The following ZPBP variants were observed in gnomAD, a reference collection of about 807,000 sequenced individuals.
ZPBP encodes zona pellucida binding protein.
A neutral mutation model predicts 44.8 loss-of-function variants in ZPBP; 26 were observed. The observed-to-expected ratio is 0.58, with a 90% confidence interval of 0.43 to 0.81. The LOEUF is 0.81. ZPBP is among the 30% of genes least tolerant of loss of function. ZPBP has a pLI of 0.00. For missense variants in ZPBP, 409 were observed against 434.0 expected (o/e 0.94, Z 0.51); for synonymous variants, 174 against 153.2 (o/e 1.14, Z -1.00).
rs557239941 is a variant in ZPBP at position 50,014,907 on chromosome 7, A to G, written c.783+3333T>C. On this transcript the variant is annotated intron_variant, in intron 6 of 7. Coordinates refer to ENST00000046087, the MANE Select transcript of ZPBP (RefSeq NM_007009.3). ...TCCTAAAATCAAAAGATTGTATTTA[A>G]TAATATATAAGATGCTAACACAAGA... is the stretch of plus-strand genomic sequence containing the variant. 6.4e-4 allele frequency among the ~76,000 whole-genome samples: 97 copies of G among 152,296 alleles called. 1 individual carries two copies. The highest frequency in any genetic ancestry group is 1.4e-3 in the Admixed American group (21 of 15,268).
chr7:49,948,376 G>A (rs927151637), intron 7 of ZPBP, among the ~76,000 whole-genome samples: 8 of 152,020 alleles, frequency 5.3e-5, no homozygotes, highest in Non-Finnish European at 1.2e-4. Context: ...ATAAAGATTG[G>A]GTTCTATAAA....
At chr7:49,978,054 T>C (rs1366749743) in intron 7 of ZPBP, among the ~76,000 whole-genome samples, 10 of 148,946 alleles carry the variant, frequency 6.7e-5, no homozygotes, top group African/African-American at 2.5e-4. Flanking sequence ...CTACTTGATC[T>C]ACAAGTTTGT....
chr7:49,978,980 ATGTT>A (rs1368879093), intron 7 of ZPBP, among the ~76,000 whole-genome samples: 1 of 152,128 alleles, frequency 6.6e-6, no homozygotes, highest in Non-Finnish European at 1.5e-5. Context: ...ATAAATTAAA[ATGTT>A]TATTAACCAT....
intron 4 of ZPBP, among the ~76,000 whole-genome samples, chr7:50,055,823 C>T (rs949684253): frequency 6.6e-6 from 1 of 152,142 alleles, no homozygotes; most frequent in African/African-American, 2.4e-5. Context: ...GGCACTTTTA[C>T]ATTTGTTAGC....
chr7:49,845,175 C>A, the ZPBP span, among the ~76,000 whole-genome samples: 1 of 152,008 alleles, frequency 6.6e-6, no homozygotes, highest in Non-Finnish European at 1.5e-5. Context: ...GCTAATGGAG[C>A]CTGGGTTTAA....
At chr7:49,918,880 G>A (rs1793864162) in intron 1 of ZPBP, 1 of 152,144 alleles carries the variant, frequency 6.6e-6, no homozygotes, top group Non-Finnish European at 1.5e-5. Context: ...ACCAACATGT[G>A]AAACCCCATC....
chr7:49,997,003 G>A (rs1328132761), intron 6 of ZPBP, among the ~76,000 whole-genome samples: 9 of 152,164 alleles, frequency 5.9e-5, no homozygotes, highest in Admixed American at 5.9e-4. Flanking sequence ...GTTTCCCACT[G>A]TAAAGTCTGG....
intron 7 of ZPBP, among the ~76,000 whole-genome samples, chr7:49,979,100 A>G (rs1194786320): frequency 2.0e-5 from 3 of 152,164 alleles, no homozygotes; most frequent in Non-Finnish European, 2.9e-5. Flanking sequence ...TATTTAAGCA[A>G]AATTCCCCCC....
At chr7:50,042,980 C>T (rs535423479) in intron 4 of ZPBP, among the ~76,000 whole-genome samples, 1 of 152,138 alleles carries the variant, frequency 6.6e-6, no homozygotes, top group Non-Finnish European at 1.5e-5. Flanking sequence ...TTGACATGCT[C>T]GTGATGGCCA....
chr7:50,088,926 T>C (rs2128857217), intron 2 of ZPBP, among the ~76,000 whole-genome samples: 1 of 150,358 alleles, frequency 6.7e-6, no homozygotes, highest in African/African-American at 2.5e-5. Flanking sequence ...GAATGAAGTA[T>C]TGATGCACTC....
intron 7 of ZPBP, among the ~76,000 whole-genome samples, chr7:49,981,538 T>TATAAA (rs1393874017): frequency 1.3e-4 from 4 of 29,876 alleles, no homozygotes; most frequent in African/African-American, 7.7e-4. Context: ...ATATTATAAT[T>TATAAA]TTATATAATT....
At chr7:49,997,699 A>G (rs1314127929) in intron 6 of ZPBP, among the ~76,000 whole-genome samples, 1 of 152,144 alleles carries the variant, frequency 6.6e-6, no homozygotes, top group East Asian at 1.9e-4. Context: ...AGATACCACC[A>G]TTGGAAGGGA....
chr7:49,979,824 C>T (rs1423537131), intron 7 of ZPBP, among the ~76,000 whole-genome samples: 12 of 112,410 alleles, frequency 1.1e-4, no homozygotes, highest in African/African-American at 4.1e-4. Flanking sequence ...TGGAGTTATA[C>T]ATATATATAT....
chr7:50,038,979 A>G (rs899162594), intron 4 of ZPBP, among the ~76,000 whole-genome samples: 6 of 152,198 alleles, frequency 3.9e-5, no homozygotes, highest in African/African-American at 1.4e-4. Context: ...CTCAGAATAT[A>G]TCCCCATCAT....
At chr7:49,882,548 CAGAG>C (rs766895099) in intron 2 of ZPBP, among the ~76,000 whole-genome samples, 2 of 151,742 alleles carry the variant, frequency 1.3e-5, no homozygotes, top group African/African-American at 4.8e-5. Flanking sequence ...GAGAGAGAGA[CAGAG>C]AGAGACACAC....
At chr7:50,076,501 A>T (rs1356040934) in intron 3 of ZPBP, among the ~76,000 whole-genome samples, 2 of 151,976 alleles carry the variant, frequency 1.3e-5, no homozygotes, top group African/African-American at 4.8e-5. Flanking sequence ...ATATGATCTT[A>T]TATTTGGAAA....
intron 6 of ZPBP, among the ~76,000 whole-genome samples, chr7:50,013,360 C>T (rs1231320511): frequency 1.3e-5 from 2 of 151,896 alleles, no homozygotes; most frequent in African/African-American, 4.8e-5. Flanking sequence ...CATGGGAGAG[C>T]TCATGAAGGA....
At chr7:49,875,346 G>C (rs1359578154) in intron 2 of ZPBP, among the ~76,000 whole-genome samples, 2 of 98,512 alleles carry the variant, frequency 2.0e-5, no homozygotes, top group Non-Finnish European at 3.7e-5. Flanking sequence ...CTCCAGCCTG[G>C]GTAACAGAGT....
At position 49,937,541 on chromosome 7, in the gene ZPBP, T is replaced by G; in HGVS notation, c.1043A>C (p.Lys348Thr). 6.2e-7 allele frequency: 1 copy of G among 1,613,714 alleles called. No individual in the cohort carries two copies. Among genetic ancestry groups the G allele is most frequent in the African/African-American group, 1.3e-5 (1 of 75,028 alleles). ...QCNSSLVYGA[K>T]TCL is the part of the protein sequence containing the mutation. ...GAAGATAATGGCTTATAAGCACGTT[T>G]TTGCTCCATACACCAGGCTGCTATT... The change falls in exon 8 of 8, where the codon AAA becomes ACA. Residue 348 changes from lysine (K) to threonine (T), a missense_variant. Physicochemically the swap from Lys to Thr is moderately conservative, Grantham distance 78. Around this residue, in one of 2 missense-constraint regions of ZPBP, gnomAD observed 42 missense variants for 71.0 expected, o/e 0.59. Coordinates refer to ENST00000046087, the MANE Select transcript of ZPBP (RefSeq NM_007009.3).
Sources: gnomAD v4.1 joint callset for allele counts (sites outside exome capture counted in the v4.1 genomes callset) on GRCh38, gnomAD v4.1.1 for gene constraint, gnomAD v4.1.1 regional missense constraint, MANE v1.5 for transcripts, NCBI Gene and HGNC (gene_info 2026-07-23, HGNC 2026-07-21) for gene names.